The following SETD2 variants were observed in gnomAD, a reference collection of about 807,000 sequenced individuals.
The protein encoded by SETD2 is SET domain containing 2, histone lysine methyltransferase, also known as histone-lysine N-methyltransferase SETD2.
Under a neutral mutation model 242.1 loss-of-function variants are expected in SETD2, and 31 were observed. That is an observed-to-expected ratio of 0.13 (90% CI 0.10 to 0.17). The LOEUF (loss-of-function observed/expected upper bound fraction) is 0.17, where lower values mean the gene tolerates loss of function less well. Among genes scored for constraint, SETD2 ranks in the 10% least tolerant of loss-of-function variants. The pLI, the probability that SETD2 is intolerant of heterozygous loss-of-function variation, is 1.00. For synonymous variants in SETD2, 1,006 were observed against 1,066.5 expected, an observed-to-expected ratio of 0.94 and a Z score of 1.11; for missense variants, 2,481 against 3,046.3, an observed-to-expected ratio of 0.81 and a Z score of 4.37.
chr3:47,036,567 C>G (rs900584523), intron 18 of SETD2, among the ~76,000 whole-genome samples: 2 of 151,634 alleles, frequency 1.3e-5, no homozygotes, highest in African/African-American at 4.8e-5. Flanking sequence ...TGGTTTTGAA[C>G]AGACCAATCA....
intron 18 of SETD2, among the ~76,000 whole-genome samples, chr3:47,026,218 T>C (rs2038471122): frequency 6.6e-6 from 1 of 152,224 alleles, no homozygotes; most frequent in East Asian, 1.9e-4. Context: ...TCATCATCAC[T>C]GGTCATTAGA....
rs2106663808 is a variant in SETD2, at chr3:47,121,904, A to T, written c.2732T>A (p.Val911Glu). The change falls in exon 3 of 21, where the codon GTG (valine) becomes GAG (glutamate). Residue 911 changes from valine (V) to glutamate (E), a missense_variant. Around this residue, in one of 17 missense-constraint regions of SETD2, gnomAD observed 1,300 missense variants for 1,259.2 expected, o/e 1.03. Coordinates refer to ENST00000409792, the MANE Select transcript of SETD2 (RefSeq NM_014159.7). ...GENTSPVLDA[V>E]LKSKKSSEFL... is the part of the protein sequence containing the mutation. ...CTCTGAACTTTTTTTACTCTTTAGCACTGCATCCAGAACTGGAGATGTGTT... is the reference window on the plus strand; with the variant it reads ...CTCTGAACTTTTTTTACTCTTTAGCTCTGCATCCAGAACTGGAGATGTGTT... The T allele has an allele frequency of 6.2e-7, 1 of 1,613,978 alleles. No homozygotes were observed. The highest frequency in any genetic ancestry group is 8.5e-7 in the Non-Finnish European group (1 of 1,180,002).
chr3:47,024,657 T>A (rs1368639658), intron 18 of SETD2, among the ~76,000 whole-genome samples: 2 of 152,092 alleles, frequency 1.3e-5, no homozygotes, highest in Non-Finnish European at 2.9e-5. Context: ...GTTTGAAAAA[T>A]ACATTGGCTC....
intron 1 of SETD2, among the ~76,000 whole-genome samples, chr3:47,138,072 C>T (rs1473737009): frequency 2.8e-5 from 4 of 141,258 alleles, no homozygotes; most frequent in East Asian, 2.2e-4. Flanking sequence ...CCCGGGTTCA[C>T]GCCATTCTCC....
intron 5 of SETD2, among the ~76,000 whole-genome samples, chr3:47,106,540 A>T (rs1187422978): frequency 7.0e-6 from 1 of 143,810 alleles, no homozygotes; most frequent in African/African-American, 2.6e-5. Flanking sequence ...AGCCGGGCGC[A>T]GAGGCTCATG....
At chr3:47,030,649 G>C (rs963541436) in intron 18 of SETD2, among the ~76,000 whole-genome samples, 1 of 151,926 alleles carries the variant, frequency 6.6e-6, no homozygotes, top group Admixed American at 6.6e-5. Context: ...TTTATAAAAG[G>C]CAAAATCAAG....
intron 13 of SETD2, among the ~76,000 whole-genome samples, chr3:47,063,192 G>A (rs1429316042): frequency 6.6e-6 from 1 of 152,150 alleles, no homozygotes; most frequent in Non-Finnish European, 1.5e-5. Flanking sequence ...CACTGTATGT[G>A]TGGACTTGTG....
chr3:47,080,840 G>A lies in SETD2; in HGVS notation c.6060+2880C>T, dbSNP rs540714585. ...CCAGGAGTAGGGATTTTCCCGGAAC[G>A]ACATCCATTGTCGGCAATGGACGCA... On this transcript the variant is annotated intron_variant, in intron 12 of 20. Coordinates refer to ENST00000409792, the MANE Select transcript of SETD2 (RefSeq NM_014159.7). The A allele has an allele frequency of 2.9e-5, 29 of 986,712 alleles. No individual in the cohort carries two copies. In the Admixed American group the frequency reaches 4.3e-4, roughly 15 times the overall value. 61.1% of individuals were successfully genotyped at this position (986,712 alleles called of 1,614,324 possible).
chr3:47,069,259 T>C (rs2040706842), intron 12 of SETD2, among the ~76,000 whole-genome samples: 1 of 152,200 alleles, frequency 6.6e-6, no homozygotes, highest in Admixed American at 6.5e-5. Context: ...CTGTATTAGA[T>C]GACACAGGAC....
intron 8 of SETD2, 184 bp from the exon 9 acceptor site, chr3:47,098,265 T>A: frequency 4.7e-6 from 2 of 421,088 alleles, no homozygotes; most frequent in Non-Finnish European, 8.2e-6. Context: ...TTTAAAAATA[T>A]TCATTATTTT....
intron 5 of SETD2, among the ~76,000 whole-genome samples, chr3:47,108,443 G>A (rs534911099): frequency 1.9e-4 from 29 of 152,208 alleles, no homozygotes; most frequent in Middle Eastern, 3.4e-3. Flanking sequence ...TAATGTAGGT[G>A]ATCTATCCAA....
At chr3:47,163,810 T>G (rs1697582627) in intron 1 of SETD2, 44 bp downstream of exon 1, 4 of 1,238,134 alleles carry the variant, frequency 3.2e-6, no homozygotes, top group Non-Finnish European at 3.1e-6. Context: ...CGGCTGGGGA[T>G]AAGGCGGCCG....
chr3:47,108,076 T>G (rs2042508425), intron 5 of SETD2, among the ~76,000 whole-genome samples: 1 of 151,960 alleles, frequency 6.6e-6, no homozygotes, highest in Non-Finnish European at 1.5e-5. Context: ...CCTGGGAGTT[T>G]CCGACCAGCT....
At chr3:47,103,483 C>A in intron 6 of SETD2, 60 bp from the exon 7 acceptor site, 1 of 1,155,078 alleles carries the variant, frequency 8.7e-7, no homozygotes, top group South Asian at 1.2e-5. Context: ...CATGCAATTA[C>A]CTGCAAAACT....
chr3:47,038,694 C>T (rs1003136454), intron 17 of SETD2, among the ~76,000 whole-genome samples: 14 of 152,022 alleles, frequency 9.2e-5, no homozygotes, highest in Admixed American at 6.6e-4. Context: ...AAGAAGGTTT[C>T]GGCCATGTTA....
At chr3:47,039,359 T>C (rs1214860168) in intron 17 of SETD2, among the ~76,000 whole-genome samples, 1 of 151,862 alleles carries the variant, frequency 6.6e-6, no homozygotes. Context: ...GGATTACAGG[T>C]GCGTGTCACC....
chr3:47,141,983 A>C (rs1393218573), intron 1 of SETD2, among the ~76,000 whole-genome samples: 1 of 152,224 alleles, frequency 6.6e-6, no homozygotes, highest in Non-Finnish European at 1.5e-5. Context: ...CTTGAAACAC[A>C]TATTCTTACA....
Position 47,116,729 on chromosome 3 carries a change from T to C in SETD2, c.4480A>G (p.Ile1494Val). 6.2e-7 allele frequency: 1 copy of C among 1,603,324 alleles called. No individual in the cohort carries two copies. The highest frequency in any genetic ancestry group is 1.1e-5 in the South Asian group (1 of 90,018). The change falls in exon 4 of 21, where the codon ATT becomes GTT. Residue 1494 changes from isoleucine (I) to valine (V), a missense_variant. This residue lies in a region of SETD2 where 48 missense variants were observed against 76.6 expected (regional missense o/e 0.63). Transcript: ENST00000409792. ...ERKKNKSHRD[I>V]KRMQCECTPL... ...GTACACTCACACTGCATTCGCTTAA[T>C]ATCTCGATGAGATTTATTCTTCTTT...
intron 17 of SETD2, among the ~76,000 whole-genome samples, chr3:47,039,920 G>A (rs147757011): frequency 5.4e-4 from 82 of 151,004 alleles, no homozygotes; most frequent in African/African-American, 1.8e-3. Flanking sequence ...TAAACCACAC[G>A]TGGTTTTTAA....
Sources: allele counts gnomAD v4.1 joint callset (sites outside exome capture counted in the v4.1 genomes callset), GRCh38; gene constraint gnomAD v4.1.1; regional missense constraint gnomAD v4.1.1; transcripts MANE v1.5; gene names NCBI Gene and HGNC (gene_info 2026-07-23, HGNC 2026-07-21).